CACNA1D: variants seen among roughly 807,000 people sequenced by gnomAD.
CACNA1D encodes calcium voltage-gated channel subunit alpha1 D.
In CACNA1D, 55 loss-of-function variants were observed where a neutral mutation model predicts 257.1. The observed-to-expected ratio is 0.21, with a 90% CI of 0.17 to 0.27. The LOEUF (loss-of-function observed/expected upper bound fraction) is 0.27. Ranked by LOEUF, CACNA1D falls within the 10% of genes least tolerant of loss-of-function variation. CACNA1D has a pLI of 1.00. For missense variants in CACNA1D, 1,876 were observed against 2,784.0 expected (o/e 0.67, Z 7.34); for synonymous variants, 980 against 1,014.9 (o/e 0.97, Z 0.65).
At chr3:53,608,416 A>G (rs2093541080) in intron 3 of CACNA1D, among the ~76,000 whole-genome samples, 1 of 152,202 alleles carries the variant, frequency 6.6e-6, no homozygotes, top group Non-Finnish European at 1.5e-5. Context: ...AGATCATGTC[A>G]TTTGTGAACA....
intron 3 of CACNA1D, among the ~76,000 whole-genome samples, chr3:53,529,398 A>AT: frequency 6.6e-6 from 1 of 151,890 alleles, no homozygotes; most frequent in Non-Finnish European, 1.5e-5. Context: ...GAGGGATTTG[A>AT]TTTTCTAGTA....
At chr3:53,782,025 T>G (rs889264389) in intron 39 of CACNA1D, 3 of 218,478 alleles carry the variant, frequency 1.4e-5, no homozygotes, top group Admixed American at 5.3e-5. Flanking sequence ...TACCCTTCAG[T>G]ATATTGTTGA....
At chr3:53,637,330 C>A (rs979183539) in intron 3 of CACNA1D, among the ~76,000 whole-genome samples, 1 of 152,182 alleles carries the variant, frequency 6.6e-6, no homozygotes, top group African/African-American at 2.4e-5. Flanking sequence ...ATAATAAGAT[C>A]GTAGGCACTC....
intron 15 of CACNA1D, among the ~76,000 whole-genome samples, chr3:53,728,228 T>A (rs1230594673): frequency 6.6e-6 from 1 of 152,182 alleles, no homozygotes; most frequent in Non-Finnish European, 1.5e-5. Flanking sequence ...AACCTCCGCC[T>A]CCTGGGTTCA....
At chr3:53,559,235 T>A (rs1172602296) in intron 3 of CACNA1D, among the ~76,000 whole-genome samples, 3 of 152,210 alleles carry the variant, frequency 2.0e-5, no homozygotes, top group African/African-American at 7.2e-5. Flanking sequence ...CCATTTATTT[T>A]AAGAGTATTT....
chr3:53,751,785 T>A lies in CACNA1D; in HGVS notation c.3553T>A (p.Leu1185Met), dbSNP rs781143092. 2.5e-6 allele frequency: 4 copies of A among 1,614,208 alleles called. No individual in the cohort carries two copies. In the East Asian group the frequency reaches 8.9e-5, roughly 36 times the overall value. The change falls in exon 28 of 48, where the codon TTG (leucine) becomes ATG (methionine). Residue 1185 changes from leucine (L) to methionine (M), a missense_variant. Physicochemically the swap from Leu to Met is conservative, Grantham distance 15 (BLOSUM62 2). Around this residue, in one of 10 missense-constraint regions of CACNA1D, gnomAD observed 204 missense variants for 309.4 expected, o/e 0.66. Coordinates refer to ENST00000350061, the MANE Select transcript of CACNA1D (RefSeq NM_001128840.3). The surrounding 1 kb of genome is among the most constrained non-coding windows in gnomAD (Gnocchi z 4.3). ...TGAATACGCCTTGAAAGCACGTCCC[T>A]TGCGGAGATACATCCCCAAAAACCC... ...CVEYALKARPLRRYIPKNPYQ... is the reference protein window; with the variant it reads ...CVEYALKARPMRRYIPKNPYQ...
chr3:53,584,614 C>T (rs1050229799), intron 3 of CACNA1D, among the ~76,000 whole-genome samples: 3 of 152,204 alleles, frequency 2.0e-5, no homozygotes, highest in African/African-American at 7.2e-5. Context: ...AGGGAGCTCA[C>T]CTTTGATTGC....
intron 5 of CACNA1D, 64 bp from the exon 6 acceptor site, chr3:53,665,596 T>C: frequency 8.1e-7 from 1 of 1,236,056 alleles, no homozygotes; most frequent in Non-Finnish European, 1.2e-6. Context: ...GGTTAGGAAT[T>C]ATATATATGA....
At position 53,723,172 on chromosome 3, in the gene CACNA1D, C is replaced by T. The variant is rs575618898; in HGVS notation, c.1667-262C>T. 3.3e-5 allele frequency among the ~76,000 whole-genome samples: 5 copies of T among 152,122 alleles called. No individual in the cohort carries two copies. The highest frequency in any genetic ancestry group is 5.9e-5 in the Non-Finnish European group (4 of 68,016). On this transcript the variant is annotated intron_variant, in intron 12 of 47. Coordinates refer to ENST00000350061, the MANE Select transcript of CACNA1D (RefSeq NM_001128840.3). The surrounding 1 kb of genome is among the most constrained non-coding windows in gnomAD (Gnocchi z 5.6). ...GATGAGCTGCCCCTTCCCATTTTGT[C>T]ATCAGTGACACTGAGACCTGGAGAA...
rs746289122 is a variant in CACNA1D, at chr3:53,650,952, T to G, written c.623+34T>G. 10 of 1,571,808 alleles carry G rather than the reference T, an allele frequency of 6.4e-6. No homozygotes were observed. In the African/African-American group the frequency reaches 1.4e-4, roughly 21 times the overall value. On this transcript the variant is annotated intron_variant, in intron 4 of 47. Transcript: ENST00000350061. ...CTTTTACTTTGGGGAAATGTTGATT[T>G]GGAAAATGGGAGGTGGAGGTTGGGG...
chr3:53,517,099 A>G (rs1301032156), intron 3 of CACNA1D, among the ~76,000 whole-genome samples: 1 of 152,242 alleles, frequency 6.6e-6, no homozygotes. Flanking sequence ...AAAGCGTTTT[A>G]TAATCTACGA....
At position 53,673,190 on chromosome 3, in the gene CACNA1D, C is replaced by T; in HGVS notation, c.1220+64C>T. On this transcript the variant is annotated intron_variant, in intron 8 of 47. Coordinates refer to ENST00000350061, the MANE Select transcript of CACNA1D (RefSeq NM_001128840.3). The surrounding 1 kb of genome is among the most constrained non-coding windows in gnomAD (Gnocchi z 4.1). ...AGGACAGTTGCCAAGACCACACAAG[C>T]TTTGCTGGATGAGGGCCGCCAAGAG... 3 of 1,154,056 alleles carry T rather than the reference C, an allele frequency of 2.6e-6. No individual in the cohort carries two copies. Among genetic ancestry groups the T allele is most frequent in the Non-Finnish European group, 2.5e-6 (2 of 787,982 alleles). 71.5% of individuals were successfully genotyped at this position (1,154,056 alleles called of 1,614,324 possible).
intron 40 of CACNA1D, among the ~76,000 whole-genome samples, chr3:53,792,878 G>A (rs1027621453): frequency 4.6e-5 from 7 of 152,194 alleles, no homozygotes; most frequent in African/African-American, 1.7e-4. Flanking sequence ...CCTAGCTCCC[G>A]ACTCTGCCCC....
chr3:53,724,290 G>T (rs181517146), intron 14 of CACNA1D, among the ~76,000 whole-genome samples: 45 of 152,278 alleles, frequency 3.0e-4, no homozygotes, highest in African/African-American at 9.6e-4. Flanking sequence ...CTTTTTGATT[G>T]ATTTTATGAG....
intron 3 of CACNA1D, among the ~76,000 whole-genome samples, chr3:53,640,008 C>T (rs757598313): frequency 2.0e-5 from 3 of 151,806 alleles, no homozygotes; most frequent in African/African-American, 2.4e-5. Flanking sequence ...ATTACAGACT[C>T]GTGCCACCAT....
At chr3:53,749,575 C>T (rs1164111653) in intron 27 of CACNA1D, 106 bp downstream of exon 27, 1 of 802,090 alleles carries the variant, frequency 1.2e-6, no homozygotes, top group Non-Finnish European at 2.2e-6. Flanking sequence ...CACATACTGT[C>T]TGTCCCTGGG....
chr3:53,544,040 G>C (rs750293801), intron 3 of CACNA1D, among the ~76,000 whole-genome samples: 1 of 152,106 alleles, frequency 6.6e-6, no homozygotes, highest in Non-Finnish European at 1.5e-5. Context: ...ATCTCTGTCA[G>C]CCCATCAGTG....
At chr3:53,662,535 G>C (rs188807576) in intron 5 of CACNA1D, among the ~76,000 whole-genome samples, 1 of 152,284 alleles carries the variant, frequency 6.6e-6, no homozygotes, top group East Asian at 1.9e-4. Flanking sequence ...TGGTCTACCT[G>C]CATCTTTTAG....
At chr3:53,496,419 T>C (rs2090349650) in intron 1 of CACNA1D, among the ~76,000 whole-genome samples, 1 of 152,230 alleles carries the variant, frequency 6.6e-6, no homozygotes, top group African/African-American at 2.4e-5. Context: ...GCTGACTGCC[T>C]TGTCTGTCTC....
Sources: gnomAD v4.1 joint callset for allele counts (sites outside exome capture counted in the v4.1 genomes callset) on GRCh38, gnomAD v4.1.1 for gene constraint, gnomAD v4.1.1 regional missense constraint, Gnocchi (gnomAD v3.1) non-coding constraint, MANE v1.5 for transcripts, NCBI Gene and HGNC (gene_info 2026-07-23, HGNC 2026-07-21) for gene names.